CORO1C: variants seen among roughly 807,000 people sequenced by gnomAD.
CORO1C encodes coronin 1C.
Under a neutral mutation model 51.2 loss-of-function variants are expected in CORO1C, and 14 were observed. The observed-to-expected ratio is 0.27, with a 90% confidence interval of 0.18 to 0.43. The LOEUF (loss-of-function observed/expected upper bound fraction) is 0.43, where lower values mean the gene tolerates loss of function less well. CORO1C is among the 20% of genes least tolerant of loss of function. CORO1C has a pLI of 1.00. For missense variants in CORO1C, 417 were observed against 607.8 expected (o/e 0.69, Z 3.30); for synonymous variants, 181 against 210.5 (o/e 0.86, Z 1.21).
chr12:108,728,635 C>A (rs998646558), intron 1 of CORO1C, among the ~76,000 whole-genome samples: 1 of 152,120 alleles, frequency 6.6e-6, no homozygotes, highest in African/African-American at 2.4e-5. Flanking sequence ...AAAAAAGTTC[C>A]ATTCTGCACT....
At chr12:108,716,831 A>G (rs1053103169) in intron 1 of CORO1C, among the ~76,000 whole-genome samples, 4 of 152,228 alleles carry the variant, frequency 2.6e-5, no homozygotes, top group African/African-American at 9.6e-5. Context: ...TACGTATTAC[A>G]TATATACTCA....
In CORO1C at chr12:108,661,265, G is replaced by A. The variant is rs78197408; in HGVS notation, c.448+764C>T. ...AGGAAAAGATTTCTGTACAACACCA[G>A]TGTCCAGAAATAGGGGACTTATCAA... On this transcript the variant is annotated intron_variant, in intron 4 of 10. Transcript: ENST00000261401. 2.3e-3 allele frequency among the ~76,000 whole-genome samples: 347 copies of A among 152,216 alleles called. 2 individuals are homozygous for A. Among genetic ancestry groups the A allele is most frequent in the African/African-American group, 7.8e-3 (323 of 41,524 alleles).
Position 108,646,092 on chromosome 12 carries a change from G to A in CORO1C, c.*1311C>T, listed in dbSNP as rs2032347150. 6.6e-6 allele frequency: 1 copy of A among 152,240 alleles called. No individual in the cohort carries two copies. Among genetic ancestry groups the A allele is most frequent in the Non-Finnish European group, 1.5e-5 (1 of 68,084 alleles). 9.4% of individuals were successfully genotyped at this position (152,240 alleles called of 1,614,324 possible). ...TGCATTAAAGCTACAGCAGAGGTCT[G>A]TGCTCCTGTTTCTGCTTCACTCTCT... On this transcript the variant is annotated 3_prime_UTR_variant, in exon 11 of 11. Transcript: ENST00000261401.
chr12:108,712,647 G>A (rs1214986862), intron 1 of CORO1C, among the ~76,000 whole-genome samples: 2 of 149,922 alleles, frequency 1.3e-5, no homozygotes, highest in Non-Finnish European at 1.5e-5. Context: ...ATTCACGAGA[G>A]AGCAGACACC....
chr12:108,715,129 G>C (rs1188535071), intron 1 of CORO1C, among the ~76,000 whole-genome samples: 1 of 151,738 alleles, frequency 6.6e-6, no homozygotes, highest in Non-Finnish European at 1.5e-5. Flanking sequence ...AGCACTTTGG[G>C]AGGCTGAAGC....
chr12:108,717,132 A>G (rs529412797), intron 1 of CORO1C, among the ~76,000 whole-genome samples: 4 of 152,266 alleles, frequency 2.6e-5, no homozygotes, highest in Non-Finnish European at 5.9e-5. Context: ...GCGACACTTA[A>G]GCTGAAATCA....
chr12:108,699,362 G>A (rs368805759), intron 2 of CORO1C, among the ~76,000 whole-genome samples: 2 of 152,152 alleles, frequency 1.3e-5, no homozygotes, highest in Non-Finnish European at 1.5e-5. Flanking sequence ...GAAAGGAAAT[G>A]TCTGAATTCA....
intron 6 of CORO1C, among the ~76,000 whole-genome samples, chr12:108,656,280 G>GA (rs2136804015): frequency 6.7e-6 from 1 of 150,102 alleles, no homozygotes; most frequent in Non-Finnish European, 1.5e-5. Context: ...CCCCGTCCGG[G>GA]AGGGAGGTGG....
At chr12:108,689,477 C>T (rs1458702799) in intron 2 of CORO1C, among the ~76,000 whole-genome samples, 1 of 152,164 alleles carries the variant, frequency 6.6e-6, no homozygotes, top group Non-Finnish European at 1.5e-5. Flanking sequence ...CATATAAACC[C>T]ACACCTTCCT....
At chr12:108,717,262 C>T (rs1338626578) in intron 1 of CORO1C, among the ~76,000 whole-genome samples, 2 of 152,166 alleles carry the variant, frequency 1.3e-5, no homozygotes, top group Non-Finnish European at 2.9e-5. Context: ...ACTACTTAGC[C>T]CACAGAGGCT....
At chr12:108,650,054 G>A (rs974514685) in intron 8 of CORO1C, among the ~76,000 whole-genome samples, 1 of 152,086 alleles carries the variant, frequency 6.6e-6, no homozygotes, top group African/African-American at 2.4e-5. Flanking sequence ...GGGAACAAAA[G>A]CTGAGTAGAG....
intron 3 of CORO1C, among the ~76,000 whole-genome samples, chr12:108,663,071 T>G (rs2033337961): frequency 6.6e-6 from 1 of 152,270 alleles, no homozygotes; most frequent in Admixed American, 6.5e-5. Context: ...CATGAAAAGA[T>G]GTTTGGCATT....
intron 4 of CORO1C, among the ~76,000 whole-genome samples, chr12:108,660,059 G>C (rs2136809637): frequency 6.6e-6 from 1 of 152,304 alleles, no homozygotes. Flanking sequence ...ATACGGGAAG[G>C]ACATCCTAGA....
chr12:108,678,472 A>G, intron 2 of CORO1C, 78 bp from the exon 3 acceptor site: 1 of 1,215,162 alleles, frequency 8.2e-7, no homozygotes, highest in South Asian at 2.0e-5. Flanking sequence ...CCCATTTCTC[A>G]TTTATTACCT....
At chr12:108,694,573 C>A (rs118170699) in intron 2 of CORO1C, among the ~76,000 whole-genome samples, 7 of 152,030 alleles carry the variant, frequency 4.6e-5, no homozygotes, top group Non-Finnish European at 8.8e-5. Flanking sequence ...GTTAACATTG[C>A]ACATTATTTC....
In CORO1C at chr12:108,675,230, C is replaced by T. The variant is rs146775962; in HGVS notation, c.318+3042G>A. ...CTGCATACTTAATAGATATAATTTT[C>T]CCTTAAAATAAACCAGGACTTCCGA... On this transcript the variant is annotated intron_variant, in intron 3 of 10. Coordinates refer to ENST00000261401, the MANE Select transcript of CORO1C (RefSeq NM_014325.4). Among the ~76,000 whole-genome samples, 328 of 152,208 alleles carry T rather than the reference C, an allele frequency of 2.2e-3. 1 individual carries two copies. Among genetic ancestry groups the T allele is most frequent in the African/African-American group, 7.3e-3 (302 of 41,532 alleles).
chr12:108,669,474 C>T (rs2033626609), intron 3 of CORO1C, among the ~76,000 whole-genome samples: 1 of 152,018 alleles, frequency 6.6e-6, no homozygotes, highest in South Asian at 2.1e-4. Flanking sequence ...TATTATCATA[C>T]CTCCATATTA....
At chr12:108,659,018 CAGAGAG>C (rs374484534) in intron 4 of CORO1C, 99 bp from the exon 5 acceptor site, 25 of 1,133,826 alleles carry the variant, frequency 2.2e-5, no homozygotes, top group Non-Finnish European at 3.0e-5. Flanking sequence ...TATGTATATG[CAGAGAG>C]AGAGAGAGAG....
intron 1 of CORO1C, among the ~76,000 whole-genome samples, chr12:108,723,838 A>C (rs1243656267): frequency 6.6e-6 from 1 of 152,234 alleles, no homozygotes; most frequent in Non-Finnish European, 1.5e-5. Flanking sequence ...CAGACGGCCT[A>C]CTAATGCCAA....
Sources: gnomAD v4.1 joint callset for allele counts (sites outside exome capture counted in the v4.1 genomes callset) on GRCh38, gnomAD v4.1.1 for gene constraint, MANE v1.5 for transcripts, NCBI Gene and HGNC (gene_info 2026-07-23, HGNC 2026-07-21) for gene names.